The following MACROD2 variants were observed in gnomAD, a reference collection of about 807,000 sequenced individuals.
MACROD2 encodes ADP-ribose glycohydrolase MACROD2.
In MACROD2, 36 loss-of-function variants were observed where a neutral mutation model predicts 70.4. That is an observed-to-expected ratio of 0.51 (90% CI 0.39 to 0.68). MACROD2 has a LOEUF of 0.68. Among genes scored for constraint, MACROD2 ranks in the 30% least tolerant of loss-of-function variants. The pLI, the probability that MACROD2 is intolerant of heterozygous loss-of-function variation, is 0.00. For synonymous variants in MACROD2, 172 were observed against 178.8 expected (o/e 0.96, Z 0.30); for missense variants, 496 against 538.4 (o/e 0.92, Z 0.78).
At chr20:15,801,186 TAA>T (rs1197681475) in intron 8 of MACROD2, among the ~76,000 whole-genome samples, 6 of 89,302 alleles carry the variant, frequency 6.7e-5, no homozygotes, top group Non-Finnish European at 1.1e-4. Flanking sequence ...AATGATCAAT[TAA>T]AAAAAAAAAA....
chr20:14,002,638 A>C (rs765507116), intron 2 of MACROD2, among the ~76,000 whole-genome samples: 8 of 152,154 alleles, frequency 5.3e-5, no homozygotes, highest in Non-Finnish European at 1.0e-4. Flanking sequence ...TACTTTTTTT[A>C]CAGGTCCTTT....
chr20:15,147,185 T>A (rs1384546610), intron 5 of MACROD2, among the ~76,000 whole-genome samples: 2 of 152,174 alleles, frequency 1.3e-5, no homozygotes, highest in Non-Finnish European at 2.9e-5. Flanking sequence ...ACCAAATGCC[T>A]TTATTTCAGA....
chr20:15,088,552 G>A (rs1421813700), intron 5 of MACROD2, among the ~76,000 whole-genome samples: 1 of 150,696 alleles, frequency 6.6e-6, no homozygotes, highest in Non-Finnish European at 1.5e-5. Flanking sequence ...CTGGATATGT[G>A]TATAGATGTA....
intron 5 of MACROD2, among the ~76,000 whole-genome samples, chr20:15,126,909 G>T (rs2076071146): frequency 6.6e-6 from 1 of 152,006 alleles, no homozygotes; most frequent in Non-Finnish European, 1.5e-5. Context: ...AAAATATTTT[G>T]GTAAGAGGAA....
At chr20:16,000,780 G>C (rs910342157) in intron 15 of MACROD2, among the ~76,000 whole-genome samples, 18 of 152,160 alleles carry the variant, frequency 1.2e-4, no homozygotes, top group African/African-American at 4.3e-4. Flanking sequence ...GACAGAACAA[G>C]TGCAAGTCTA....
intron 5 of MACROD2, among the ~76,000 whole-genome samples, chr20:14,772,759 TC>T (rs2072185414): frequency 6.6e-6 from 1 of 152,048 alleles, no homozygotes; most frequent in South Asian, 2.1e-4. Context: ...GTGCTATTTT[TC>T]AAGAATAAAA....
intron 8 of MACROD2, among the ~76,000 whole-genome samples, chr20:15,574,889 A>G (rs2048423612): frequency 6.6e-6 from 1 of 152,206 alleles, no homozygotes; most frequent in Admixed American, 6.5e-5. Context: ...AAGGTCATGT[A>G]TGAAATTAGA....
At chr20:15,978,105 T>G (rs375884246) in intron 13 of MACROD2, among the ~76,000 whole-genome samples, 28 of 152,330 alleles carry the variant, frequency 1.8e-4, no homozygotes, top group African/African-American at 6.7e-4. Flanking sequence ...CATCTTGTTA[T>G]ACAATGCAGG....
chr20:14,556,558 C>T (rs1404804843), intron 4 of MACROD2, among the ~76,000 whole-genome samples: 2 of 152,036 alleles, frequency 1.3e-5, no homozygotes, highest in Admixed American at 1.3e-4. Context: ...ATCTGCCAAA[C>T]ACCACTGGAA....
intron 5 of MACROD2, among the ~76,000 whole-genome samples, chr20:15,105,286 C>T (rs1197628276): frequency 6.6e-6 from 1 of 152,046 alleles, no homozygotes; most frequent in African/African-American, 2.4e-5. Context: ...TGAAGCAATT[C>T]TAGCCTTATG....
At chr20:16,016,898 A>G (rs902448973) in intron 15 of MACROD2, among the ~76,000 whole-genome samples, 9 of 152,126 alleles carry the variant, frequency 5.9e-5, no homozygotes, top group Admixed American at 3.3e-4. Context: ...CAAACATCCA[A>G]TTCATCCTGA....
chr20:15,337,283 T>G (rs1409450614), intron 6 of MACROD2, among the ~76,000 whole-genome samples: 1 of 151,712 alleles, frequency 6.6e-6, no homozygotes, highest in Non-Finnish European at 1.5e-5. Context: ...GGTTTTGATT[T>G]TTTTTCCTGG....
chr20:14,946,374 A>G (rs918487809), intron 5 of MACROD2, among the ~76,000 whole-genome samples: 2 of 152,184 alleles, frequency 1.3e-5, no homozygotes, highest in African/African-American at 4.8e-5. Flanking sequence ...TAATATATGG[A>G]TTTTAAAGAA....
chr20:14,557,355 A>G (rs1979104169), intron 4 of MACROD2, among the ~76,000 whole-genome samples: 1 of 151,940 alleles, frequency 6.6e-6, no homozygotes, highest in Non-Finnish European at 1.5e-5. Context: ...CACTGACAAC[A>G]AAAAGAAAGA....
chr20:15,365,881 A>G (rs1163576557), intron 6 of MACROD2, among the ~76,000 whole-genome samples: 3 of 152,334 alleles, frequency 2.0e-5, no homozygotes, highest in African/African-American at 4.8e-5. Context: ...AAGCAGTTGA[A>G]TATATTTCTC....
chr20:14,676,393 G>A lies in MACROD2; in HGVS notation c.302-8450G>A, dbSNP rs532165447. 8.5e-5 allele frequency among the ~76,000 whole-genome samples: 13 copies of A among 152,274 alleles called. 1 individual carries two copies. In the South Asian group the frequency reaches 1.7e-3, roughly 19 times the overall value. On this transcript the variant is annotated intron_variant, in intron 4 of 17. Transcript: ENST00000684519. Reference sequence around the variant, plus strand: ...CTCAGACCACAGTGCAATCAAATTAGAACTCAGGATTAAGAAACTCACTCA... The same window carrying A: ...CTCAGACCACAGTGCAATCAAATTAAAACTCAGGATTAAGAAACTCACTCA...
chr20:15,374,973 T>C (rs2045542842), intron 6 of MACROD2, among the ~76,000 whole-genome samples: 1 of 152,230 alleles, frequency 6.6e-6, no homozygotes, highest in Non-Finnish European at 1.5e-5. Context: ...TAGTGCTTCC[T>C]GACTTAAAAG....
At chr20:14,693,251 CT>C (rs1392967924) in intron 5 of MACROD2, among the ~76,000 whole-genome samples, 1 of 152,158 alleles carries the variant, frequency 6.6e-6, no homozygotes, top group African/African-American at 2.4e-5. Context: ...AAGAGAGCCA[CT>C]GTTGTACAGG....
intron 8 of MACROD2, among the ~76,000 whole-genome samples, chr20:15,822,802 AC>A (rs1368728721): frequency 1.3e-5 from 2 of 152,196 alleles, no homozygotes; most frequent in Non-Finnish European, 2.9e-5. Context: ...CTAGGAAAGG[AC>A]AGCAAATTAG....
Sources: gnomAD v4.1 joint callset for allele counts (sites outside exome capture counted in the v4.1 genomes callset) on GRCh38, gnomAD v4.1.1 for gene constraint, MANE v1.5 for transcripts, NCBI Gene and HGNC (gene_info 2026-07-23, HGNC 2026-07-21) for gene names.